Variants in CENPP observed in about 807,000 individuals in gnomAD.
CENPP encodes centromere protein P.
CENPP carries 24 observed loss-of-function variants against 35.6 expected under a neutral mutation model. The observed-to-expected ratio is 0.67, with a 90% CI of 0.49 to 0.95. CENPP has a LOEUF of 0.95. Ranked by LOEUF, CENPP falls within the 40% of genes least tolerant of loss-of-function variation. The pLI is 0.00. For synonymous variants in CENPP, 120 were observed against 125.5 expected, an observed-to-expected ratio of 0.96 and a Z score of 0.29; for missense variants, 332 against 345.3, an observed-to-expected ratio of 0.96 and a Z score of 0.31.
chr9:92,353,599 T>A (rs747345103), intron 4 of CENPP, among the ~76,000 whole-genome samples: 3 of 152,212 alleles, frequency 2.0e-5, no homozygotes, highest in Non-Finnish European at 4.4e-5. Flanking sequence ...AACTCCCTTC[T>A]TAGCCTGTTG....
chr9:92,404,700 G>A (rs537316851), intron 5 of CENPP: 2 of 1,218,836 alleles, frequency 1.6e-6, no homozygotes, highest in East Asian at 1.3e-4. Flanking sequence ...GAAATGCAGT[G>A]TGTTGTACTA....
At position 92,331,348 on chromosome 9, in the gene CENPP, T is replaced by C. The variant is rs373272182; in HGVS notation, c.108-822T>C. Among the ~76,000 whole-genome samples, 8 of 151,546 alleles carry C rather than the reference T, an allele frequency of 5.3e-5. No individual in the cohort carries two copies. In the South Asian group the frequency reaches 6.2e-4, roughly 12 times the overall value. ...GGCGCCTGCCACCACGCCTGGCAAATTTTTTGTATATTTAGTAGACATGGG... is the reference window on the plus strand; with the variant it reads ...GGCGCCTGCCACCACGCCTGGCAAACTTTTTGTATATTTAGTAGACATGGG... On this transcript the variant is annotated intron_variant, in intron 1 of 7. Coordinates refer to ENST00000375587, the MANE Select transcript of CENPP (RefSeq NM_001012267.3).
chr9:92,478,646 T>C (rs1845799063), intron 5 of CENPP, among the ~76,000 whole-genome samples: 1 of 151,766 alleles, frequency 6.6e-6, no homozygotes, highest in South Asian at 2.1e-4. Flanking sequence ...AGAGATGGGG[T>C]TTCACCATGT....
At chr9:92,381,470 G>T (rs575568387) in intron 5 of CENPP, among the ~76,000 whole-genome samples, 2 of 152,164 alleles carry the variant, frequency 1.3e-5, no homozygotes, top group Non-Finnish European at 2.9e-5. Context: ...TTTTCGTAGA[G>T]ATGCAGTTTC....
intron 3 of CENPP, chr9:92,341,611 C>T (rs140649884): frequency 3.3e-5 from 5 of 152,242 alleles, no homozygotes; most frequent in South Asian, 2.1e-4. Flanking sequence ...ATGTGATATG[C>T]TCCTAAAGAA....
chr9:92,482,249 T>G (rs1335775756), intron 5 of CENPP: 4 of 152,214 alleles, frequency 2.6e-5, no homozygotes. Flanking sequence ...TAGTATTGAC[T>G]GTAAAGTATA....
chr9:92,385,751 T>C (rs760037955), intron 5 of CENPP: 2 of 1,614,156 alleles, frequency 1.2e-6, no homozygotes, highest in South Asian at 2.2e-5. Flanking sequence ...TCATTAGCCT[T>C]GCAGAATGTG....
chr9:92,616,999 C>T lies in CENPP; in HGVS notation c.*3850C>T, dbSNP rs2131411050. The stretch of plus-strand genomic sequence containing the variant: ...TCAGCACGTCCCTGCTCTGACGCTG[C>T]TCACCATGGCCTTGGCGCTCACTGC... On this transcript the variant is annotated 3_prime_UTR_variant, in exon 8 of 8. Transcript: ENST00000375587. 1 of 152,406 alleles carries T rather than the reference C, an allele frequency of 6.6e-6. No individual in the cohort carries two copies. Among genetic ancestry groups the T allele is most frequent in the South Asian group, 2.1e-4 (1 of 4,830 alleles). 9.4% of individuals were successfully genotyped at this position (152,406 alleles called of 1,614,324 possible). A position where few individuals can be genotyped will look rare whatever the true frequency, so the allele number is the denominator to read the frequency against.
intron 5 of CENPP, among the ~76,000 whole-genome samples, chr9:92,584,796 AT>A: frequency 6.6e-6 from 1 of 152,300 alleles, no homozygotes; most frequent in Non-Finnish European, 1.5e-5. Flanking sequence ...GTTTAAATTT[AT>A]TTCTCAATTA....
chr9:92,416,397 G>A (rs1024815243), intron 5 of CENPP, among the ~76,000 whole-genome samples: 4 of 151,866 alleles, frequency 2.6e-5, no homozygotes, highest in African/African-American at 9.7e-5. Context: ...GAGCCACCAC[G>A]CCCAGCCTAT....
At chr9:92,612,835 T>A (rs1394481734) in intron 7 of CENPP, among the ~76,000 whole-genome samples, 184 bp from the exon 8 acceptor site, 2 of 152,190 alleles carry the variant, frequency 1.3e-5, no homozygotes, top group Non-Finnish European at 2.9e-5. Flanking sequence ...GCACAGGGAA[T>A]ATGCCTCCAG....
At chr9:92,604,035 A>G (rs1851002934) in intron 5 of CENPP, among the ~76,000 whole-genome samples, 1 of 152,204 alleles carries the variant, frequency 6.6e-6, no homozygotes, top group African/African-American at 2.4e-5. Context: ...GTTTGCATGC[A>G]GTTTTTTTGT....
At chr9:92,448,872 A>G (rs891941183) in intron 5 of CENPP, among the ~76,000 whole-genome samples, 4 of 152,172 alleles carry the variant, frequency 2.6e-5, no homozygotes, top group African/African-American at 7.2e-5. Context: ...GGCAAGGTCT[A>G]TTACATTTAA....
At chr9:92,386,790 G>C (rs900053825) in intron 5 of CENPP, among the ~76,000 whole-genome samples, 6 of 152,024 alleles carry the variant, frequency 3.9e-5, no homozygotes, top group African/African-American at 1.4e-4. Flanking sequence ...CACCATGTTG[G>C]CTGGTATGGT....
chr9:92,538,178 A>G (rs1314289154), intron 5 of CENPP, among the ~76,000 whole-genome samples: 1 of 152,182 alleles, frequency 6.6e-6, no homozygotes, highest in Admixed American at 6.5e-5. Flanking sequence ...AAAAAAAGTT[A>G]ACCCAGTTGT....
At chr9:92,383,400 T>C (rs1301654308) in intron 5 of CENPP, among the ~76,000 whole-genome samples, 1 of 152,200 alleles carries the variant, frequency 6.6e-6, no homozygotes, top group Non-Finnish European at 1.5e-5. Flanking sequence ...ATTGTTGTCT[T>C]AACAACATTA....
chr9:92,594,726 G>A (rs765890885), intron 5 of CENPP, among the ~76,000 whole-genome samples: 5 of 151,876 alleles, frequency 3.3e-5, no homozygotes, highest in Non-Finnish European at 7.4e-5. Context: ...AGGCTGGGGT[G>A]GAGGGATCAC....
intron 5 of CENPP, chr9:92,500,776 G>A (rs140976209): frequency 3.1e-6 from 5 of 1,614,022 alleles, no homozygotes; most frequent in Admixed American, 3.3e-5. Flanking sequence ...TTCATTTCTT[G>A]TATCCCAGGT....
intron 4 of CENPP, among the ~76,000 whole-genome samples, chr9:92,366,664 G>C (rs899584810): frequency 3.6e-4 from 55 of 152,218 alleles, no homozygotes; most frequent in Non-Finnish European, 5.6e-4. Flanking sequence ...AGTATAAAAA[G>C]TTATACCTGG....
Sources: gnomAD v4.1 joint callset for allele counts (sites outside exome capture counted in the v4.1 genomes callset) on GRCh38, gnomAD v4.1.1 for gene constraint, MANE v1.5 for transcripts, NCBI Gene and HGNC (gene_info 2026-07-23, HGNC 2026-07-21) for gene names.